NCALD: variants seen among roughly 807,000 people sequenced by gnomAD.
NCALD encodes neurocalcin delta.
Under a neutral mutation model 18.6 loss-of-function variants are expected in NCALD, and 10 were observed. The observed-to-expected ratio is 0.54, with a 90% confidence interval of 0.33 to 0.91. NCALD has a LOEUF of 0.91. Among genes scored for constraint, NCALD ranks in the 40% least tolerant of loss-of-function variants. NCALD has a pLI of 0.03. For synonymous variants in NCALD, 88 were observed against 87.4 expected (o/e 1.01, Z -0.04); for missense variants, 184 against 247.6 (o/e 0.74, Z 1.72).
chr8:101,872,044 TA>T, intron 4 of NCALD: 1 of 1,317,244 alleles, frequency 7.6e-7, no homozygotes. Flanking sequence ...TCCTTCCAAG[TA>T]AACAAATACC....
chr8:101,909,219 A>C (rs142238247), intron 3 of NCALD, among the ~76,000 whole-genome samples: 1 of 152,162 alleles, frequency 6.6e-6, no homozygotes, highest in Non-Finnish European at 1.5e-5. Flanking sequence ...TAAAATTACA[A>C]ATAAAAGCCA....
intron 4 of NCALD, among the ~76,000 whole-genome samples, chr8:101,804,465 T>C (rs1259803315): frequency 1.6e-5 from 2 of 126,876 alleles, no homozygotes; most frequent in African/African-American, 6.8e-5. Context: ...ATATAATATA[T>C]AACAAAGATT....
At chr8:101,699,941 T>G (rs1295901103) in intron 2 of NCALD, among the ~76,000 whole-genome samples, 1 of 152,178 alleles carries the variant, frequency 6.6e-6, no homozygotes, top group Non-Finnish European at 1.5e-5. Flanking sequence ...AAACTAGTCA[T>G]TTGTAAATTA....
Position 101,730,210 on chromosome 8 carries a change from G to A in NCALD, c.-19-10562C>T, listed in dbSNP as rs746687943. ...ACTTAAAAGAATATTGGCTGGGTCC[G>A]GTGGCTCATGCCTCTAATCTCAGCA... On this transcript the variant is annotated intron_variant, in intron 1 of 3. Transcript: ENST00000220931. Among the ~76,000 whole-genome samples the A allele has an allele frequency of 3.7e-4, 56 of 151,990 alleles. 2 individuals are homozygous for A. Among genetic ancestry groups the A allele is most frequent in the Admixed American group, 1.0e-3 (16 of 15,262 alleles).
At chr8:101,754,393 C>G (rs1377813005) in intron 1 of NCALD, among the ~76,000 whole-genome samples, 4 of 152,110 alleles carry the variant, frequency 2.6e-5, no homozygotes, top group African/African-American at 9.7e-5. Context: ...AACTTACAAA[C>G]AGCAGAAATT....
intron 2 of NCALD, among the ~76,000 whole-genome samples, chr8:101,987,206 G>C (rs1215046110): frequency 6.6e-6 from 1 of 152,090 alleles, no homozygotes; most frequent in African/African-American, 2.4e-5. Flanking sequence ...TACAGAAAAC[G>C]GGGCGACTAT....
intron 1 of NCALD, among the ~76,000 whole-genome samples, chr8:102,090,571 A>G (rs575012384): frequency 6.6e-6 from 1 of 152,324 alleles, no homozygotes; most frequent in East Asian, 1.9e-4. Flanking sequence ...ACTAATAAAA[A>G]ACTGAAGTAA....
intron 4 of NCALD, among the ~76,000 whole-genome samples, chr8:101,801,425 T>C (rs940499176): frequency 1.3e-5 from 2 of 151,980 alleles, no homozygotes; most frequent in African/African-American, 4.8e-5. Flanking sequence ...TTTTTTCAAA[T>C]GTATTCACCA....
intron 2 of NCALD, among the ~76,000 whole-genome samples, chr8:101,983,329 G>T (rs1363491476): frequency 6.6e-6 from 1 of 152,156 alleles, no homozygotes; most frequent in South Asian, 2.1e-4. Flanking sequence ...TTTAGGAAAG[G>T]TTATTTCTAA....
intron 1 of NCALD, among the ~76,000 whole-genome samples, chr8:101,742,428 CT>C (rs1213553515): frequency 1.3e-5 from 2 of 152,016 alleles, no homozygotes. Flanking sequence ...TATGCTAATC[CT>C]GAGTCAATTG....
chr8:101,916,893 C>A (rs1159358644), intron 2 of NCALD, among the ~76,000 whole-genome samples: 1 of 152,006 alleles, frequency 6.6e-6, no homozygotes, highest in African/African-American at 2.4e-5. Context: ...ACTCACACAG[C>A]CACACAATAA....
At chr8:102,065,398 C>T (rs956039597) in intron 1 of NCALD, among the ~76,000 whole-genome samples, 1 of 152,186 alleles carries the variant, frequency 6.6e-6, no homozygotes, top group African/African-American at 2.4e-5. Flanking sequence ...ACTCAGCCTT[C>T]TGTCCAAGCT....
intron 4 of NCALD, among the ~76,000 whole-genome samples, chr8:101,869,181 G>A (rs1423301407): frequency 6.6e-6 from 1 of 152,214 alleles, no homozygotes; most frequent in Non-Finnish European, 1.5e-5. Context: ...TCTATGGTAA[G>A]GACACTTTAC....
intron 1 of NCALD, among the ~76,000 whole-genome samples, chr8:102,036,370 A>G (rs1822866163): frequency 2.0e-5 from 3 of 151,944 alleles, no homozygotes; most frequent in Non-Finnish European, 4.4e-5. Context: ...TAAAAGAGAA[A>G]AGTAAAAATA....
At chr8:101,778,366 A>G (rs1180151355) in intron 1 of NCALD, among the ~76,000 whole-genome samples, 2 of 152,212 alleles carry the variant, frequency 1.3e-5, no homozygotes, top group Non-Finnish European at 2.9e-5. Context: ...GGGCCAGTCA[A>G]AAGTTACTGG....
intron 2 of NCALD, among the ~76,000 whole-genome samples, chr8:102,005,285 A>G: frequency 6.6e-6 from 1 of 152,252 alleles, no homozygotes; most frequent in African/African-American, 2.4e-5. Context: ...AATGCTCATC[A>G]TTACTGGCCA....
intron 3 of NCALD, among the ~76,000 whole-genome samples, chr8:101,897,836 T>G (rs1440781850): frequency 6.6e-6 from 1 of 152,182 alleles, no homozygotes; most frequent in East Asian, 1.9e-4. Context: ...ATTGATATGG[T>G]TTGACTGTGT....
intron 2 of NCALD, among the ~76,000 whole-genome samples, chr8:101,928,167 C>G (rs1818406731): frequency 6.6e-6 from 1 of 152,094 alleles, no homozygotes; most frequent in Non-Finnish European, 1.5e-5. Flanking sequence ...TGTCCAATCT[C>G]TCAATGATCG....
intron 3 of NCALD, among the ~76,000 whole-genome samples, chr8:101,897,443 C>A (rs1264350637): frequency 6.7e-6 from 1 of 149,592 alleles, no homozygotes; most frequent in Non-Finnish European, 1.5e-5. Context: ...GTGCAGTGCA[C>A]CAGCATGGCA....
Sources: allele counts gnomAD v4.1 joint callset (sites outside exome capture counted in the v4.1 genomes callset), GRCh38; gene constraint gnomAD v4.1.1; transcripts MANE v1.5; gene names NCBI Gene and HGNC (gene_info 2026-07-23, HGNC 2026-07-21).